FRYL: variants seen among roughly 807,000 people sequenced by gnomAD.
FRYL encodes the protein protein furry homolog-like.
A neutral mutation model predicts 351.2 loss-of-function variants in FRYL; 150 were observed. The ratio of observed to expected loss-of-function variants is 0.43; its 90% CI spans 0.37 to 0.49. The LOEUF (loss-of-function observed/expected upper bound fraction) is 0.49, where lower values mean the gene tolerates loss of function less well. Among genes scored for constraint, FRYL ranks in the 20% least tolerant of loss-of-function variants. FRYL has a pLI of 0.00. For missense variants in FRYL, 3,036 were observed against 3,619.3 expected (o/e 0.84, Z 4.13); for synonymous variants, 1,153 against 1,257.1 (o/e 0.92, Z 1.75).
intron 1 of FRYL, among the ~76,000 whole-genome samples, chr4:48,763,538 CA>C (rs1341198965): frequency 2.6e-5 from 4 of 152,046 alleles, no homozygotes; most frequent in African/African-American, 9.7e-5. Context: ...GTATTAAATT[CA>C]AAGTGGAGTA....
At chr4:48,504,580 G>GTTTCT (rs1720495156) in intron 60 of FRYL, among the ~76,000 whole-genome samples, 2 of 152,084 alleles carry the variant, frequency 1.3e-5, no homozygotes, top group Admixed American at 1.3e-4. Context: ...TGACTTAGCA[G>GTTTCT]TTTCTTTTTA....
At chr4:48,779,682 G>T (rs1338299738) in intron 1 of FRYL, among the ~76,000 whole-genome samples, 1 of 151,946 alleles carries the variant, frequency 6.6e-6, no homozygotes. Flanking sequence ...GTGGCGAGGC[G>T]GCGCGCGACC....
In FRYL at chr4:48,557,029, G is replaced by A; in HGVS notation, c.4215C>T (p.His1405=). 2 of 1,608,804 alleles carry A rather than the reference G, an allele frequency of 1.2e-6. No homozygotes were observed. The highest frequency in any genetic ancestry group is 3.3e-5 in the Admixed American group (2 of 59,742). The change falls in exon 35 of 64, where the codon CAC becomes CAT. Residue 1405 remains histidine (H), a synonymous_variant. Coordinates refer to ENST00000358350, the MANE Select transcript of FRYL (RefSeq NM_015030.2). The stretch of plus-strand genomic sequence containing the variant: ...TCACCCCACAAATGCTGATCAAAAA[G>A]TGCAAAATTATTTTCAGGTTTTTGG... ...GWPKNLKIIL[H]FLISICGVNS...
chr4:48,548,843 T>C, intron 39 of FRYL, 50 bp from the exon 40 acceptor site: 2 of 1,047,770 alleles, frequency 1.9e-6, no homozygotes, highest in Non-Finnish European at 2.9e-6. Context: ...TCAGTAAACC[T>C]AGAGAGAATT....
At chr4:48,569,604 CTTTTT>C (rs1174002339) in intron 27 of FRYL, among the ~76,000 whole-genome samples, 3 of 151,650 alleles carry the variant, frequency 2.0e-5, no homozygotes, top group Admixed American at 2.0e-4. Context: ...GCCAATATTT[CTTTTT>C]TTTATTTGCT....
intron 3 of FRYL, among the ~76,000 whole-genome samples, chr4:48,675,880 T>C (rs1406767132): frequency 6.6e-6 from 1 of 152,180 alleles, no homozygotes; most frequent in Non-Finnish European, 1.5e-5. Flanking sequence ...ACTCTGTATA[T>C]AGCTCAAGGT....
intron 1 of FRYL, among the ~76,000 whole-genome samples, chr4:48,733,050 T>C (rs953928331): frequency 6.6e-6 from 1 of 151,330 alleles, no homozygotes; most frequent in African/African-American, 2.4e-5. Flanking sequence ...CCAAGACAGG[T>C]GGATCACCTG....
intron 2 of FRYL, among the ~76,000 whole-genome samples, chr4:48,692,597 T>C (rs1273492088): frequency 2.0e-5 from 3 of 152,240 alleles, no homozygotes; most frequent in African/African-American, 7.2e-5. Flanking sequence ...TTTGCCATGT[T>C]GGCCAGGCTG....
At chr4:48,575,351 T>C (rs1739376764) in intron 24 of FRYL, 110 bp from the exon 25 acceptor site, 1 of 1,149,392 alleles carries the variant, frequency 8.7e-7, no homozygotes. Flanking sequence ...GGTGAAACTT[T>C]ACTATGAATG....
intron 1 of FRYL, among the ~76,000 whole-genome samples, chr4:48,755,738 T>C (rs1773705541): frequency 6.6e-6 from 1 of 152,138 alleles, no homozygotes; most frequent in Non-Finnish European, 1.5e-5. Context: ...GATTAGATCA[T>C]ACTAGGCTTC....
intron 26 of FRYL, 110 bp from the exon 27 acceptor site, chr4:48,571,028 G>C (rs1176048647): frequency 3.8e-6 from 3 of 787,028 alleles, no homozygotes; most frequent in Non-Finnish European, 6.3e-6. Context: ...TATTTTGCTT[G>C]TACAGTGTAG....
intron 3 of FRYL, among the ~76,000 whole-genome samples, chr4:48,664,822 T>A (rs1443721394): frequency 6.6e-6 from 1 of 152,146 alleles, no homozygotes; most frequent in Non-Finnish European, 1.5e-5. Context: ...TATAGCAGTA[T>A]CAAAGGTAAA....
At chr4:48,745,859 G>A (rs2149656634) in intron 1 of FRYL, among the ~76,000 whole-genome samples, 2 of 152,292 alleles carry the variant, frequency 1.3e-5, no homozygotes, top group South Asian at 4.1e-4. Flanking sequence ...TCATAGGACA[G>A]TGACTATGAA....
chr4:48,680,881 T>C, intron 3 of FRYL: 1 of 719,364 alleles, frequency 1.4e-6, no homozygotes, highest in Non-Finnish European at 1.8e-6. Flanking sequence ...AGTTTTACTT[T>C]CCTAAAATAC....
At chr4:48,598,403 T>A (rs972477964) in intron 13 of FRYL, among the ~76,000 whole-genome samples, 1 of 152,294 alleles carries the variant, frequency 6.6e-6, no homozygotes, top group African/African-American at 2.4e-5. Context: ...AAACATCTCA[T>A]GTATCCCATA....
chr4:48,635,893 A>G (rs1047527232), intron 3 of FRYL, among the ~76,000 whole-genome samples: 1 of 152,178 alleles, frequency 6.6e-6, no homozygotes, highest in African/African-American at 2.4e-5. Flanking sequence ...CTATGTGCAC[A>G]TAACTATAGG....
At chr4:48,525,291 C>T (rs934864095) in intron 53 of FRYL, among the ~76,000 whole-genome samples, 1 of 151,386 alleles carries the variant, frequency 6.6e-6, no homozygotes, top group Non-Finnish European at 1.5e-5. Context: ...TAAATAATAC[C>T]TGTTCTTGAG....
Position 48,683,270 on chromosome 4 carries a change from G to C in FRYL, c.-81+1403C>G, listed in dbSNP as rs574818905. 1.2e-4 allele frequency among the ~76,000 whole-genome samples: 19 copies of C among 152,006 alleles called. No individual in the cohort carries two copies. The East Asian group carries it at 3.7e-3, about 29-fold the overall frequency. On this transcript the variant is annotated intron_variant, in intron 3 of 63. Transcript: ENST00000358350. ...AATATCACACACTGGGGCCTGTCAG[G>C]GGGTGGGGGGCTAGGGGAGGGATAG... is the stretch of plus-strand genomic sequence containing the variant.
chr4:48,551,481 G>A lies in FRYL; in HGVS notation c.4520+13C>T. ...CAAACTGAAAGGCTAATACAGAACAGAGAAGTACTTACCTCTCTTCAATAT... is the reference window on the plus strand; with the variant it reads ...CAAACTGAAAGGCTAATACAGAACAAAGAAGTACTTACCTCTCTTCAATAT... On this transcript the variant is annotated intron_variant, in intron 37 of 63. Coordinates refer to ENST00000358350, the MANE Select transcript of FRYL (RefSeq NM_015030.2). The A allele has an allele frequency of 6.6e-7, 1 of 1,517,420 alleles. No homozygotes were observed. The highest frequency in any genetic ancestry group is 2.3e-5 in the East Asian group (1 of 44,218). 94.0% of individuals were successfully genotyped at this position (1,517,420 alleles called of 1,614,324 possible).
Sources: gnomAD v4.1 joint callset for allele counts (sites outside exome capture counted in the v4.1 genomes callset) on GRCh38, gnomAD v4.1.1 for gene constraint, MANE v1.5 for transcripts, NCBI Gene and HGNC (gene_info 2026-07-23, HGNC 2026-07-21) for gene names.